NAV3: variants seen among roughly 807,000 people sequenced by gnomAD.
NAV3 encodes the protein neuron navigator 3.
In NAV3, 87 loss-of-function variants were observed where a neutral mutation model predicts 244.7. That is an observed-to-expected ratio of 0.36 (90% confidence interval 0.30 to 0.42). NAV3 has a LOEUF of 0.42. Ranked by LOEUF, NAV3 falls within the 20% of genes least tolerant of loss-of-function variation. The pLI is 1.00. For synonymous variants in NAV3, 1,126 were observed against 1,042.2 expected, an observed-to-expected ratio of 1.08 and a Z score of -1.55; for missense variants, 2,663 against 2,893.3, an observed-to-expected ratio of 0.92 and a Z score of 1.83.
At chr12:77,616,571 C>T (rs188511393) in intron 2 of NAV3, among the ~76,000 whole-genome samples, 2 of 152,128 alleles carry the variant, frequency 1.3e-5, no homozygotes, top group East Asian at 3.9e-4. Context: ...GACCAGTTTA[C>T]AGGTGAGGAA....
At chr12:78,162,401 G>T (rs1046086150) in intron 23 of NAV3, among the ~76,000 whole-genome samples, 2 of 151,854 alleles carry the variant, frequency 1.3e-5, no homozygotes, top group African/African-American at 2.4e-5. Context: ...TAGAATGATA[G>T]ATATAGGTCT....
At chr12:77,616,232 C>A (rs958412097) in intron 2 of NAV3, among the ~76,000 whole-genome samples, 1 of 151,946 alleles carries the variant, frequency 6.6e-6, no homozygotes, top group Non-Finnish European at 1.5e-5. Flanking sequence ...CGTGGTGAAA[C>A]CCCGTCTCTA....
intron 1 of NAV3, among the ~76,000 whole-genome samples, chr12:77,874,217 T>G (rs989083284): frequency 1.3e-5 from 2 of 151,926 alleles, no homozygotes; most frequent in African/African-American, 4.8e-5. Flanking sequence ...TTCTATTTAT[T>G]TTTATTTATT....
chr12:78,148,980 T>G, intron 22 of NAV3, 61 bp downstream of exon 22: 1 of 1,373,296 alleles, frequency 7.3e-7, no homozygotes, highest in East Asian at 2.5e-5. Flanking sequence ...AATGAAATCA[T>G]TTTAGTAACA....
intron 2 of NAV3, among the ~76,000 whole-genome samples, chr12:77,708,241 A>G (rs147361137): frequency 0.025 from 3,801 of 152,232 alleles, 89 homozygotes; most frequent in African/African-American, 0.06. Flanking sequence ...TGTATAAGAT[A>G]TAAGGAAGGG....
chr12:77,845,473 A>C (rs1264428730), intron 1 of NAV3, among the ~76,000 whole-genome samples: 3 of 152,124 alleles, frequency 2.0e-5, no homozygotes, highest in Non-Finnish European at 1.5e-5. Flanking sequence ...CATATCTACA[A>C]ATCATCACGC....
chr12:78,177,818 A>G, intron 28 of NAV3, 133 bp downstream of exon 28: 1 of 827,376 alleles, frequency 1.2e-6, no homozygotes, highest in Admixed American at 2.9e-5. Flanking sequence ...TTTTTCAACT[A>G]AAATTTGGTT....
chr12:77,847,193 G>T (rs1876790153), intron 1 of NAV3, among the ~76,000 whole-genome samples: 1 of 152,162 alleles, frequency 6.6e-6, no homozygotes, highest in Non-Finnish European at 1.5e-5. Flanking sequence ...TGTGTGGGGA[G>T]TACAAAGAGG....
At chr12:77,679,498 G>T (rs1034636185) in intron 2 of NAV3, among the ~76,000 whole-genome samples, 1 of 151,974 alleles carries the variant, frequency 6.6e-6, no homozygotes, top group South Asian at 2.1e-4. Flanking sequence ...TTGTAGCAGG[G>T]GTACATACAT....
chr12:77,619,706 A>G (rs180875423), intron 2 of NAV3, among the ~76,000 whole-genome samples: 76 of 152,262 alleles, frequency 5.0e-4, no homozygotes, highest in Middle Eastern at 3.4e-3. Flanking sequence ...ATGAATAAGT[A>G]GAGTTGTCAT....
chr12:77,869,841 G>A (rs1354652882), intron 1 of NAV3, among the ~76,000 whole-genome samples: 2 of 152,124 alleles, frequency 1.3e-5, no homozygotes, highest in Non-Finnish European at 2.9e-5. Flanking sequence ...TGACCCACTA[G>A]TGTATTTCTA....
chr12:77,939,570 G>GA (rs1379193044), intron 1 of NAV3, among the ~76,000 whole-genome samples: 1 of 152,122 alleles, frequency 6.6e-6, no homozygotes, highest in Non-Finnish European at 1.5e-5. Flanking sequence ...CTATTCAATT[G>GA]AAAAAATTAA....
intron 1 of NAV3, among the ~76,000 whole-genome samples, chr12:77,933,282 A>G (rs1462286031): frequency 6.6e-6 from 1 of 152,042 alleles, no homozygotes; most frequent in Non-Finnish European, 1.5e-5. Context: ...TGTTAGAGTG[A>G]TTGGGTGAGA....
chr12:77,705,139 T>C (rs1490386164), intron 2 of NAV3, among the ~76,000 whole-genome samples: 6 of 152,082 alleles, frequency 3.9e-5, no homozygotes, highest in Non-Finnish European at 8.8e-5. Flanking sequence ...CAATCTCAAG[T>C]TGGGTGCAGT....
chr12:77,738,403 A>G (rs553496096), intron 2 of NAV3, among the ~76,000 whole-genome samples: 49 of 152,332 alleles, frequency 3.2e-4, no homozygotes, highest in Non-Finnish European at 5.3e-4. Flanking sequence ...AAGCACACAG[A>G]ACAATAGCAG....
chr12:77,580,721 T>A (rs772830138), intron 2 of NAV3, among the ~76,000 whole-genome samples: 1 of 152,164 alleles, frequency 6.6e-6, no homozygotes, highest in Non-Finnish European at 1.5e-5. Flanking sequence ...ATGGGAAAAA[T>A]TCTCAATACA....
At chr12:78,199,216 G>A (rs1264131272) in intron 36 of NAV3, 119 bp from the exon 37 acceptor site, 3 of 245,022 alleles carry the variant, frequency 1.2e-5, no homozygotes, top group Non-Finnish European at 1.6e-5. Flanking sequence ...ATTGAAATGG[G>A]AACATTATTA....
intron 8 of NAV3, among the ~76,000 whole-genome samples, chr12:78,010,433 A>G (rs1024977353): frequency 5.3e-5 from 8 of 152,188 alleles, no homozygotes; most frequent in African/African-American, 1.9e-4. Flanking sequence ...TCTTTGTGTC[A>G]CAAAATATAT....
intron 11 of NAV3, among the ~76,000 whole-genome samples, chr12:78,053,255 T>G (rs1321232839): frequency 6.6e-6 from 1 of 151,064 alleles, no homozygotes; most frequent in Non-Finnish European, 1.5e-5. Context: ...TATGTATGTA[T>G]GTATATGTAT....
Sources: allele counts gnomAD v4.1 joint callset (sites outside exome capture counted in the v4.1 genomes callset), GRCh38; gene constraint gnomAD v4.1.1; transcripts MANE v1.5; gene names NCBI Gene and HGNC (gene_info 2026-07-23, HGNC 2026-07-21).